MDGA2: variants seen among roughly 807,000 people sequenced by gnomAD.
MDGA2 encodes the protein MAM domain containing glycosylphosphatidylinositol anchor 2.
Under a neutral mutation model 117.8 loss-of-function variants are expected in MDGA2, and 40 were observed. That is an observed-to-expected ratio of 0.34 (90% CI 0.26 to 0.44). The LOEUF (loss-of-function observed/expected upper bound fraction) is 0.44, where lower values mean the gene tolerates loss of function less well. Among genes scored for constraint, MDGA2 ranks in the 20% least tolerant of loss-of-function variants. MDGA2 has a pLI of 1.00. For missense variants in MDGA2, 1,123 were observed against 1,250.6 expected (o/e 0.90, Z 1.54); for synonymous variants, 452 against 439.0 (o/e 1.03, Z -0.37).
intron 8 of MDGA2, among the ~76,000 whole-genome samples, chr14:46,970,442 A>G (rs927221432): frequency 3.3e-5 from 5 of 152,188 alleles, no homozygotes; most frequent in Admixed American, 2.0e-4. Flanking sequence ...AAGAACATAC[A>G]ATGGGGAAAA....
At chr14:47,664,203 T>A (rs1290352496) in intron 1 of MDGA2, among the ~76,000 whole-genome samples, 1 of 152,240 alleles carries the variant, frequency 6.6e-6, no homozygotes, top group Non-Finnish European at 1.5e-5. Context: ...TTCATGCACA[T>A]ATTTATAATA....
intron 1 of MDGA2, among the ~76,000 whole-genome samples, chr14:47,390,395 G>A (rs1891866754): frequency 6.6e-6 from 1 of 152,110 alleles, no homozygotes; most frequent in Non-Finnish European, 1.5e-5. Context: ...AAGAGTAGGA[G>A]CCTAACTTTG....
intron 11 of MDGA2, among the ~76,000 whole-genome samples, chr14:46,879,436 C>T (rs1397171537): frequency 3.3e-5 from 5 of 152,094 alleles, no homozygotes; most frequent in Non-Finnish European, 7.4e-5. Context: ...TTAAAGTATA[C>T]ATTGCCCAAA....
chr14:47,271,165 C>T (rs1459321764), intron 2 of MDGA2, among the ~76,000 whole-genome samples: 2 of 152,158 alleles, frequency 1.3e-5, no homozygotes, highest in Non-Finnish European at 2.9e-5. Flanking sequence ...CTTTCCTGCC[C>T]CCAAAGTCTT....
intron 1 of MDGA2, among the ~76,000 whole-genome samples, chr14:47,427,698 C>T (rs1440766887): frequency 6.6e-6 from 1 of 152,040 alleles, no homozygotes; most frequent in East Asian, 1.9e-4. Context: ...TGGGATGTCA[C>T]GTAATGCCAG....
At chr14:47,631,848 G>T (rs527996023) in intron 1 of MDGA2, among the ~76,000 whole-genome samples, 3 of 151,942 alleles carry the variant, frequency 2.0e-5, no homozygotes, top group Non-Finnish European at 4.4e-5. Flanking sequence ...CACCCTGCAG[G>T]CCGCACGTGG....
At chr14:47,092,299 C>T (rs1253892286) in intron 6 of MDGA2, among the ~76,000 whole-genome samples, 6 of 152,138 alleles carry the variant, frequency 3.9e-5, no homozygotes, top group Non-Finnish European at 7.4e-5. Context: ...AATCCTTCTA[C>T]ATTTTTGTAA....
chr14:47,628,646 T>C (rs1029349521), intron 1 of MDGA2, among the ~76,000 whole-genome samples: 2 of 152,216 alleles, frequency 1.3e-5, no homozygotes, highest in Non-Finnish European at 2.9e-5. Flanking sequence ...CTAACCTCTT[T>C]TTGAGTATCA....
chr14:47,673,238 C>T (rs1449044992), intron 1 of MDGA2, among the ~76,000 whole-genome samples: 1 of 152,086 alleles, frequency 6.6e-6, no homozygotes, highest in Non-Finnish European at 1.5e-5. Flanking sequence ...CTGTGCACTC[C>T]GTTCCCAGAG....
intron 5 of MDGA2, among the ~76,000 whole-genome samples, chr14:47,128,108 T>C (rs1264875662): frequency 2.0e-5 from 3 of 152,250 alleles, no homozygotes; most frequent in South Asian, 2.1e-4. Context: ...AAATATTAAA[T>C]ATAATTTTAT....
intron 5 of MDGA2, among the ~76,000 whole-genome samples, chr14:47,111,795 A>C (rs933240039): frequency 6.6e-5 from 10 of 152,320 alleles, no homozygotes; most frequent in African/African-American, 2.4e-4. Flanking sequence ...AATATAGAAC[A>C]GTAAATGGGG....
chr14:47,154,168 A>T (rs1287491112), intron 3 of MDGA2, among the ~76,000 whole-genome samples: 1 of 152,198 alleles, frequency 6.6e-6, no homozygotes, highest in Admixed American at 6.5e-5. Flanking sequence ...TTTTTCCTTA[A>T]GCTGAGTGCA....
intron 1 of MDGA2, among the ~76,000 whole-genome samples, chr14:47,636,784 C>CAAAAAAAAAAAA (rs56313968): frequency 4.3e-5 from 2 of 45,990 alleles, no homozygotes; most frequent in Non-Finnish European, 7.0e-5. Flanking sequence ...GACTCCGTCT[C>CAAAAAAAAAAAA]AAAAAAAAAA....
chr14:47,273,609 C>T (rs1888216238), intron 2 of MDGA2, among the ~76,000 whole-genome samples: 1 of 152,088 alleles, frequency 6.6e-6, no homozygotes, highest in African/African-American at 2.4e-5. Flanking sequence ...TCTTCTCTTA[C>T]AATTTATTGT....
chr14:47,131,323 C>T (rs1166944501), intron 5 of MDGA2, among the ~76,000 whole-genome samples: 2 of 151,808 alleles, frequency 1.3e-5, no homozygotes, highest in African/African-American at 4.8e-5. Flanking sequence ...TGACTTGACA[C>T]AAAGTAAAAG....
chr14:47,570,963 C>G (rs1460845372), intron 1 of MDGA2, among the ~76,000 whole-genome samples: 1 of 152,136 alleles, frequency 6.6e-6, no homozygotes, highest in African/African-American at 2.4e-5. Flanking sequence ...TCAGAGTGAA[C>G]AGGCAACCTA....
chr14:47,135,813 A>ATGAT (rs1188438720), intron 4 of MDGA2, among the ~76,000 whole-genome samples: 1 of 152,056 alleles, frequency 6.6e-6, no homozygotes, highest in African/African-American at 2.4e-5. Context: ...GTATCTCTTT[A>ATGAT]TGATTTCCTA....
At chr14:47,397,008 TCTA>T (rs1892026186) in intron 1 of MDGA2, among the ~76,000 whole-genome samples, 1 of 152,136 alleles carries the variant, frequency 6.6e-6, no homozygotes, top group African/African-American at 2.4e-5. Context: ...TATAAATCAT[TCTA>T]CTATAAAGAC....
At chr14:46,996,560 T>C (rs375377239) in intron 8 of MDGA2, 2 of 152,588 alleles carry the variant, frequency 1.3e-5, no homozygotes, top group African/African-American at 4.8e-5. Context: ...CTTTTTGCCA[T>C]TCTTGTTGGT....
Sources: gnomAD v4.1 joint callset for allele counts (sites outside exome capture counted in the v4.1 genomes callset) on GRCh38, gnomAD v4.1.1 for gene constraint, MANE v1.5 for transcripts, NCBI Gene and HGNC (gene_info 2026-07-23, HGNC 2026-07-21) for gene names.